The following FARP1 variants were observed in gnomAD, a reference collection of about 807,000 sequenced individuals.
FARP1 encodes FERM, ARHGEF and pleckstrin domain-containing protein 1.
FARP1 carries 52 observed loss-of-function variants against 128.8 expected under a neutral mutation model. The ratio of observed to expected loss-of-function variants is 0.40; its 90% CI spans 0.32 to 0.51. FARP1 has a LOEUF of 0.51. Among genes scored for constraint, FARP1 ranks in the 20% least tolerant of loss-of-function variants. The pLI, the probability that FARP1 is intolerant of heterozygous loss-of-function variation, is 0.45. For synonymous variants in FARP1, 580 were observed against 551.8 expected (o/e 1.05, Z -0.72); for missense variants, 1,333 against 1,367.9 (o/e 0.97, Z 0.40).
chr13:98,295,487 C>T (rs1885648011), intron 2 of FARP1, among the ~76,000 whole-genome samples: 2 of 152,272 alleles, frequency 1.3e-5, no homozygotes, highest in African/African-American at 4.8e-5. Flanking sequence ...TTATAAACTC[C>T]AGATTTGTCA....
Position 98,179,733 on chromosome 13 carries a change from TGTAGCCCCA to T in FARP1, c.-23-33485_-23-33477del, listed in dbSNP as rs566633094. On this transcript the variant is annotated intron_variant, in intron 1 of 26. Coordinates refer to ENST00000319562, the MANE Select transcript of FARP1 (RefSeq NM_005766.4). Reference sequence around the variant, plus strand: ...TTAGCTGGGCGTGGTGGCGGGTGCCTGTAGCCCCAGCTACTCGGAAGGCTGAGGCAGGAG... The same window carrying T: ...TTAGCTGGGCGTGGTGGCGGGTGCCTGCTACTCGGAAGGCTGAGGCAGGAG... 3.5e-3 allele frequency among the ~76,000 whole-genome samples: 535 copies of T among 152,096 alleles called. 5 individuals are homozygous for T. Among genetic ancestry groups the T allele is most frequent in the African/African-American group, 0.012 (511 of 41,494 alleles).
intron 2 of FARP1, among the ~76,000 whole-genome samples, chr13:98,233,285 A>G (rs1882234745): frequency 6.6e-6 from 1 of 152,230 alleles, no homozygotes; most frequent in Non-Finnish European, 1.5e-5. Flanking sequence ...CCACCCTGTT[A>G]CTGATGAATG....
chr13:98,421,834 C>T (rs77862218), intron 16 of FARP1, among the ~76,000 whole-genome samples: 1 of 150,662 alleles, frequency 6.6e-6, no homozygotes, highest in African/African-American at 2.5e-5. Flanking sequence ...CCCTGGGTGA[C>T]AAAGCAAGAC....
At chr13:98,438,666 G>A (rs571570547) in intron 19 of FARP1, 138 bp from the exon 20 acceptor site, 8 of 664,610 alleles carry the variant, frequency 1.2e-5, no homozygotes, top group South Asian at 3.6e-5. Flanking sequence ...TTGCACGCTC[G>A]CAGTCCGTTC....
intron 3 of FARP1, among the ~76,000 whole-genome samples, chr13:98,362,203 G>A (rs1208435078): frequency 6.6e-6 from 1 of 152,182 alleles, no homozygotes; most frequent in Non-Finnish European, 1.5e-5. Flanking sequence ...AGTTGAGGCT[G>A]CGCCACTGCA....
At chr13:98,283,553 C>T (rs1274316470) in intron 2 of FARP1, among the ~76,000 whole-genome samples, 1 of 152,152 alleles carries the variant, frequency 6.6e-6, no homozygotes, top group East Asian at 1.9e-4. Flanking sequence ...GGTTTTGTTT[C>T]TGTTTTTTTC....
At chr13:98,418,928 G>A (rs186306488) in intron 16 of FARP1, among the ~76,000 whole-genome samples, 269 of 152,308 alleles carry the variant, frequency 1.8e-3, no homozygotes, top group Middle Eastern at 6.8e-3. Context: ...TAAACCTCAG[G>A]AAGGCAAGAA....
At chr13:98,194,991 G>A (rs948427729) in intron 1 of FARP1, among the ~76,000 whole-genome samples, 5 of 152,198 alleles carry the variant, frequency 3.3e-5, no homozygotes, top group Non-Finnish European at 7.3e-5. Context: ...GATGCTTCAA[G>A]TAAAGCTTTC....
In FARP1 at chr13:98,452,781, A is replaced by T. The variant is rs1173519131; in HGVS notation, c.*4464A>T. The T allele has an allele frequency of 3.9e-5, 7 of 179,502 alleles. No homozygotes were observed. Among genetic ancestry groups the T allele is most frequent in the Non-Finnish European group, 8.2e-5 (7 of 85,238 alleles). 11.1% of individuals were successfully genotyped at this position (179,502 alleles called of 1,614,324 possible). Reference sequence around the variant, plus strand: ...CCACCAGAGCGATTCTCCAGCTCCCAGAGGGAGTTATCAACTTAAAGCAGG... The same window carrying T: ...CCACCAGAGCGATTCTCCAGCTCCCTGAGGGAGTTATCAACTTAAAGCAGG... On this transcript the variant is annotated 3_prime_UTR_variant, in exon 27 of 27. Transcript: ENST00000319562.
intron 1 of FARP1, among the ~76,000 whole-genome samples, chr13:98,171,349 C>T (rs1877640237): frequency 6.6e-6 from 1 of 152,190 alleles, no homozygotes; most frequent in Non-Finnish European, 1.5e-5. Flanking sequence ...GACTTACACC[C>T]TCTTGTTTCC....
At chr13:98,294,059 C>G (rs561364047) in intron 2 of FARP1, among the ~76,000 whole-genome samples, 1 of 152,208 alleles carries the variant, frequency 6.6e-6, no homozygotes, top group South Asian at 2.1e-4. Flanking sequence ...TGAGCTATTT[C>G]CCTGGTATTT....
intron 1 of FARP1, chr13:98,175,930 G>C: frequency 3.6e-6 from 2 of 559,310 alleles, no homozygotes; most frequent in Non-Finnish European, 6.4e-6. Flanking sequence ...TTGTGTGTGT[G>C]TATCGCATTT....
rs1886326269 is a variant in FARP1, at chr13:98,309,152, CCTT to C, written c.172-34609_172-34607del. On this transcript the variant is annotated intron_variant, in intron 2 of 26. Transcript: ENST00000319562. ...ATATATTAATATTAATTTTAAGAGG[CCTT>C]TTTTTTTTTTTTTTTTTTTTTTTTT... Among the ~76,000 whole-genome samples the C allele has an allele frequency of 8.6e-4, 91 of 106,188 alleles. 5 individuals are homozygous for C. Among genetic ancestry groups the C allele is most frequent in the African/African-American group, 2.8e-3 (76 of 26,854 alleles). The allele number at this position is 106,188 out of a possible 152,430, so 69.7% of individuals were successfully genotyped here.
chr13:98,246,974 C>T (rs2139473710), intron 2 of FARP1, among the ~76,000 whole-genome samples: 1 of 152,336 alleles, frequency 6.6e-6, no homozygotes, highest in African/African-American at 2.4e-5. Context: ...GCCTGTAATC[C>T]CAGCACTTTG....
intron 1 of FARP1, among the ~76,000 whole-genome samples, chr13:98,166,675 A>T (rs1297878398): frequency 1.3e-5 from 2 of 151,828 alleles, no homozygotes; most frequent in Admixed American, 1.3e-4. Context: ...AGTGATGGCA[A>T]ATATTTTCAC....
chr13:98,202,133 T>C (rs11841201), intron 1 of FARP1, among the ~76,000 whole-genome samples: 2,880 of 152,292 alleles, frequency 0.019, 89 homozygotes, highest in African/African-American at 0.065. Context: ...GGCTGGCAGC[T>C]TTTCTAGTTT....
At chr13:98,164,284 T>C (rs535359953) in intron 1 of FARP1, among the ~76,000 whole-genome samples, 29 of 151,348 alleles carry the variant, frequency 1.9e-4, no homozygotes, top group Non-Finnish European at 3.8e-4. Flanking sequence ...TTTCACCATA[T>C]GGCGGGTGAC....
At chr13:98,223,150 A>AGC (rs1881529008) in intron 2 of FARP1, among the ~76,000 whole-genome samples, 1 of 152,186 alleles carries the variant, frequency 6.6e-6, no homozygotes, top group African/African-American at 2.4e-5. Context: ...AGAAGCAGGG[A>AGC]GCCCCCCAGG....
intron 2 of FARP1, among the ~76,000 whole-genome samples, chr13:98,236,016 G>A (rs1401798319): frequency 6.6e-6 from 1 of 152,030 alleles, no homozygotes; most frequent in Non-Finnish European, 1.5e-5. Context: ...TAGAAAAGGG[G>A]TTTCTCCATG....
Sources: gnomAD v4.1 joint callset for allele counts (sites outside exome capture counted in the v4.1 genomes callset) on GRCh38, gnomAD v4.1.1 for gene constraint, MANE v1.5 for transcripts, NCBI Gene and HGNC (gene_info 2026-07-23, HGNC 2026-07-21) for gene names.